Variants in EVL observed in about 807,000 individuals in gnomAD.
The protein encoded by EVL is ena/VASP-like protein.
Under a neutral mutation model 59.6 loss-of-function variants are expected in EVL, and 21 were observed. That is an observed-to-expected ratio of 0.35 (90% CI 0.25 to 0.51). The LOEUF is 0.51. EVL is among the 20% of genes least tolerant of loss of function. The pLI, the probability that EVL is intolerant of heterozygous loss-of-function variation, is 0.97. For synonymous variants in EVL, 198 were observed against 203.5 expected (o/e 0.97, Z 0.23); for missense variants, 462 against 546.6 (o/e 0.85, Z 1.54).
chr14:100,132,718 G>T lies in EVL; in HGVS notation c.840-1G>T. The T allele has an allele frequency of 1.2e-6, 2 of 1,614,180 alleles. No individual in the cohort carries two copies. Among genetic ancestry groups the T allele is most frequent in the Non-Finnish European group, 1.7e-6 (2 of 1,180,022 alleles). ...TGTATCTTCCCCTTCTCTGTGCCTA[G>T]GAGAAAAGCAGCCTCCCAGTCAGAC... On this transcript the variant is annotated splice_acceptor_variant, in intron 7 of 13. Transcript: ENST00000392920. LOFTEE classifies it high-confidence loss of function.
intron 1 of EVL, among the ~76,000 whole-genome samples, chr14:100,042,640 G>A (rs1486534632): frequency 6.6e-6 from 1 of 152,100 alleles, no homozygotes; most frequent in Non-Finnish European, 1.5e-5. Context: ...TTTTTGGTAG[G>A]AAGATTTCTT....
chr14:100,102,218 A>G, intron 3 of EVL: 1 of 454,894 alleles, frequency 2.2e-6, no homozygotes, highest in Non-Finnish European at 4.4e-6. Context: ...TATTTTTATC[A>G]GTACCTTTGA....
At chr14:100,090,706 ATTCAGTATCCC>A in intron 2 of EVL, among the ~76,000 whole-genome samples, 1 of 152,360 alleles carries the variant, frequency 6.6e-6, no homozygotes, top group Middle Eastern at 3.4e-3. Context: ...ATTTGGTAAA[ATTCAGTATCCC>A]TTCATGATAA....
intron 1 of EVL, among the ~76,000 whole-genome samples, chr14:100,070,403 A>AGGG (rs2062025018): frequency 2.6e-5 from 4 of 152,198 alleles, no homozygotes; most frequent in Non-Finnish European, 5.9e-5. Flanking sequence ...ACTTGTCCCA[A>AGGG]TTTGCAGAGT....
chr14:100,003,232 G>T (rs1166512110), intron 1 of EVL, among the ~76,000 whole-genome samples: 1 of 152,014 alleles, frequency 6.6e-6, no homozygotes, highest in South Asian at 2.1e-4. Context: ...AGTTTATTTC[G>T]ATTGGCATCT....
At chr14:100,042,662 G>C (rs1205678368) in intron 1 of EVL, among the ~76,000 whole-genome samples, 1 of 152,084 alleles carries the variant, frequency 6.6e-6, no homozygotes, top group Non-Finnish European at 1.5e-5. Flanking sequence ...TTGGAGACCA[G>C]GAGTTACTTT....
intron 3 of EVL, chr14:100,106,351 C>T (rs1472837134): frequency 6.5e-6 from 1 of 152,982 alleles, no homozygotes. Flanking sequence ...TGTAACTTTA[C>T]CAAGAGTTGT....
intron 3 of EVL, among the ~76,000 whole-genome samples, chr14:100,100,304 A>G (rs1413543371): frequency 2.0e-5 from 3 of 152,104 alleles, no homozygotes; most frequent in African/African-American, 7.2e-5. Flanking sequence ...TGAAGCTTTC[A>G]TGAGGAGGAA....
intron 3 of EVL, chr14:100,102,162 A>G: frequency 2.3e-6 from 1 of 434,906 alleles, no homozygotes; most frequent in South Asian, 1.6e-5. Flanking sequence ...CTTACTGGTA[A>G]GGGTGAACAT....
intron 1 of EVL, among the ~76,000 whole-genome samples, chr14:100,049,722 A>G (rs117673950): frequency 7.1e-4 from 108 of 152,294 alleles, no homozygotes; most frequent in East Asian, 2.1e-3. Context: ...GAGTTTTGCA[A>G]CCATCACCAC....
rs2859718 is a variant in EVL, at chr14:99,971,782, C to T, written c.-271C>T. On this transcript the variant is annotated 5_prime_UTR_variant, in exon 1 of 14. Coordinates refer to the EVL transcript ENST00000402714. ...GCGGCGGCCCCCAGGCACGCGCCCG[C>T]GCACACGCCGGCCCGGGCACGCGCC... The T allele has an allele frequency of 5.0e-3, 728 of 146,210 alleles. 4 individuals carry two copies. Among genetic ancestry groups the T allele is most frequent in the African/African-American group, 0.017 (705 of 40,772 alleles). The allele number at this position is 146,210 out of a possible 1,614,324, so 9.1% of individuals were successfully genotyped here. A position where few individuals can be genotyped will look rare whatever the true frequency, so the allele number is the denominator to read the frequency against.
At chr14:100,005,196 G>C (rs554452089) in intron 1 of EVL, among the ~76,000 whole-genome samples, 7 of 152,274 alleles carry the variant, frequency 4.6e-5, no homozygotes, top group Admixed American at 2.6e-4. Flanking sequence ...ACTTTGGGAG[G>C]AACTTAGTTT....
At chr14:100,078,851 C>T (rs2062226239) in intron 1 of EVL, among the ~76,000 whole-genome samples, 1 of 152,158 alleles carries the variant, frequency 6.6e-6, no homozygotes, top group African/African-American at 2.4e-5. Flanking sequence ...CACAGTCCTA[C>T]TGGGAAGAAA....
intron 1 of EVL, among the ~76,000 whole-genome samples, chr14:100,070,747 C>T (rs1298314591): frequency 6.6e-6 from 1 of 152,234 alleles, no homozygotes; most frequent in East Asian, 1.9e-4. Flanking sequence ...GCTGAACATA[C>T]TGTCCCAATC....
At position 100,114,565 on chromosome 14, in the gene EVL, C is replaced by T. The variant is rs1228453101; in HGVS notation, c.359-8974C>T. 1 of 152,418 alleles carries T rather than the reference C, an allele frequency of 6.6e-6. No individual in the cohort carries two copies. The highest frequency in any genetic ancestry group is 2.4e-5 in the African/African-American group (1 of 41,466). The allele number at this position is 152,418 out of a possible 1,614,324, so 9.4% of individuals were successfully genotyped here. On this transcript the variant is annotated intron_variant, in intron 3 of 13. Transcript: ENST00000392920. The surrounding 1 kb of genome is among the most constrained non-coding windows in gnomAD (Gnocchi z 5.0). ...TGGAAGGCGTATCAGTTACCCACTG[C>T]ACCAGCCAGGCGACAGAGGAGAAGA...
At chr14:99,987,861 A>G (rs1213015) in intron 1 of EVL, among the ~76,000 whole-genome samples, 1 of 151,168 alleles carries the variant, frequency 6.6e-6, no homozygotes, top group East Asian at 2.0e-4. Flanking sequence ...TTGTTATAGC[A>G]GCTTGAATAG....
chr14:100,106,795 G>T, intron 3 of EVL: 1 of 398,602 alleles, frequency 2.5e-6, no homozygotes, highest in South Asian at 1.3e-4. Flanking sequence ...CAGTGCCATG[G>T]AGATAGCACA....
In EVL at chr14:100,128,700, A is replaced by G. The variant is rs2140380076; in HGVS notation, c.669A>G (p.Ser223=). 2.5e-6 allele frequency: 4 copies of G among 1,606,880 alleles called. No individual in the cohort carries two copies. The highest frequency in any genetic ancestry group is 1.7e-5 in the Admixed American group (1 of 59,574). The stretch of plus-strand genomic sequence containing the variant: ...CCAGCCACGACGAGAGCTCCATGTC[A>G]GGACTGGCCGCTGCCATAGCTGGGG... ...QGSSHDESSM[S]GLAAAIAGAK... is the part of the protein sequence containing the mutation. Residue 223 remains serine, a synonymous_variant, in exon 6 of 14, where the codon TCA becomes TCG. Coordinates refer to ENST00000392920, the MANE Select transcript of EVL (RefSeq NM_016337.3).
chr14:100,010,006 TAGAG>T (rs201153544), intron 1 of EVL, among the ~76,000 whole-genome samples: 4,084 of 152,292 alleles, frequency 0.027, 76 homozygotes, highest in Non-Finnish European at 0.04. Flanking sequence ...TCTCAGACTT[TAGAG>T]AGAGCACGTT....
Sources: allele counts gnomAD v4.1 joint callset (sites outside exome capture counted in the v4.1 genomes callset), GRCh38; gene constraint gnomAD v4.1.1; non-coding constraint Gnocchi (gnomAD v3.1); transcripts MANE v1.5; gene names NCBI Gene and HGNC (gene_info 2026-07-23, HGNC 2026-07-21).